The following EMSY variants were observed in gnomAD, a reference collection of about 807,000 sequenced individuals.
The protein encoded by EMSY is BRCA2-interacting transcriptional repressor EMSY.
In EMSY, 26 loss-of-function variants were observed where a neutral mutation model predicts 134.6. That is an observed-to-expected ratio of 0.19 (90% CI 0.14 to 0.27). The LOEUF is 0.27. Among genes scored for constraint, EMSY ranks in the 10% least tolerant of loss-of-function variants. EMSY has a pLI of 1.00. For missense variants in EMSY, 1,305 were observed against 1,611.4 expected (o/e 0.81, Z 3.26); for synonymous variants, 579 against 577.8 (o/e 1.00, Z -0.03).
chr11:76,474,917 C>T (rs1948718143), intron 8 of EMSY, among the ~76,000 whole-genome samples: 1 of 152,066 alleles, frequency 6.6e-6, no homozygotes, highest in Non-Finnish European at 1.5e-5. Flanking sequence ...GTGTGTGCCA[C>T]CACGCCTGGC....
At chr11:76,518,688 T>C (rs910284485) in intron 11 of EMSY, among the ~76,000 whole-genome samples, 2 of 119,748 alleles carry the variant, frequency 1.7e-5, no homozygotes, top group Admixed American at 9.1e-5. Context: ...TGCGCGCATA[T>C]ATATATATAT....
intron 10 of EMSY, among the ~76,000 whole-genome samples, chr11:76,515,208 G>A (rs191761705): frequency 0.01 from 914 of 88,070 alleles, 9 homozygotes; most frequent in African/African-American, 0.041. Flanking sequence ...CATTTTTTTG[G>A]GGGGGGGGAG....
chr11:76,472,848 C>T lies in EMSY; in HGVS notation c.1108+8C>T, dbSNP rs1379727827. ...TGTCAACAGTAGCACAAGGTGAGTG[C>T]TGTTTCACAATTTAATTCTGTCACA... On this transcript the variant is annotated splice_region_variant and intron_variant, in intron 8 of 20. Coordinates refer to ENST00000334736, the Ensembl canonical transcript of EMSY. 4.3e-6 allele frequency: 7 copies of T among 1,609,572 alleles called. No individual in the cohort carries two copies. The African/African-American group carries it at 6.7e-5, about 15-fold the overall frequency.
chr11:76,473,887 C>T (rs532052151), intron 8 of EMSY, among the ~76,000 whole-genome samples: 9 of 151,908 alleles, frequency 5.9e-5, no homozygotes, highest in African/African-American at 1.7e-4. Context: ...CCCGGCTACT[C>T]GGGAGGCTGA....
intron 11 of EMSY, among the ~76,000 whole-genome samples, chr11:76,518,705 T>TATATATATATATA (rs1406438858): frequency 0.022 from 1,746 of 80,240 alleles, 12 homozygotes; most frequent in Non-Finnish European, 0.028. Flanking sequence ...ATATATATAT[T>TATATATATATATA]TTTTTTTTAA....
chr11:76,474,950 G>C (rs1005112369), intron 8 of EMSY, among the ~76,000 whole-genome samples: 5 of 152,036 alleles, frequency 3.3e-5, no homozygotes, highest in South Asian at 2.1e-4. Flanking sequence ...TTCTAATAGA[G>C]GTGGTGTTTT....
At chr11:76,451,236 G>A (rs1196012642) in intron 2 of EMSY, among the ~76,000 whole-genome samples, 1 of 152,168 alleles carries the variant, frequency 6.6e-6, no homozygotes, top group African/African-American at 2.4e-5. Flanking sequence ...TTTGATGATA[G>A]TTTTTATAGA....
chr11:76,491,894 A>G (rs762413931), intron 8 of EMSY, among the ~76,000 whole-genome samples: 12 of 152,112 alleles, frequency 7.9e-5, no homozygotes, highest in Non-Finnish European at 1.6e-4. Flanking sequence ...TGGCTTTTGT[A>G]TGGAATTGTT....
chr11:76,521,278 A>C (rs1950627849), intron 11 of EMSY, among the ~76,000 whole-genome samples: 1 of 152,126 alleles, frequency 6.6e-6, no homozygotes, highest in Non-Finnish European at 1.5e-5. Context: ...ACATGAGGGA[A>C]AGTTAGAACT....
At chr11:76,534,199 G>A (rs1951144945) in intron 14 of EMSY, among the ~76,000 whole-genome samples, 1 of 152,098 alleles carries the variant, frequency 6.6e-6, no homozygotes, top group African/African-American at 2.4e-5. Context: ...GTGTCTTGTA[G>A]GGTTGGGTTG....
chr11:76,543,955 G>A (rs1951542954), intron 18 of EMSY, among the ~76,000 whole-genome samples: 1 of 152,186 alleles, frequency 6.6e-6, no homozygotes, highest in Admixed American at 6.5e-5. Context: ...CCTGAGCCAG[G>A]GAGCCTTTCT....
intron 8 of EMSY, among the ~76,000 whole-genome samples, chr11:76,491,646 C>T (rs914505228): frequency 2.0e-5 from 3 of 152,250 alleles, no homozygotes; most frequent in South Asian, 4.1e-4. Flanking sequence ...TACGGATACC[C>T]TGCTGAAGCT....
In EMSY at chr11:76,496,642, C is replaced by G. The variant is rs1461367240; in HGVS notation, c.1363+173C>G. 6.6e-6 allele frequency: 5 copies of G among 756,178 alleles called. No individual in the cohort carries two copies. In the Middle Eastern group the frequency reaches 9.2e-4, roughly 139 times the overall value. 46.8% of individuals were successfully genotyped at this position (756,178 alleles called of 1,614,324 possible). A position where few individuals can be genotyped will look rare whatever the true frequency, so the allele number is the denominator to read the frequency against. ...CTGTATATGTTTTGTTAGATTTGTACCTAAGCATTTCATTTTCTTGTCGTG... is the reference window on the plus strand; with the variant it reads ...CTGTATATGTTTTGTTAGATTTGTAGCTAAGCATTTCATTTTCTTGTCGTG... On this transcript the variant is annotated intron_variant, in intron 9 of 20. Transcript: ENST00000334736.
chr11:76,535,703 T>G (rs1448400493), intron 14 of EMSY, among the ~76,000 whole-genome samples, 192 bp from the exon 16 acceptor site: 1 of 152,074 alleles, frequency 6.6e-6, no homozygotes, highest in Non-Finnish European at 1.5e-5. Flanking sequence ...AATGAATGAG[T>G]GAATGAATAA....
chr11:76,536,027 T>A (rs2136540064), exon 15 of EMSY: 1 of 1,586,434 alleles, frequency 6.3e-7, no homozygotes, highest in East Asian at 2.3e-5. Flanking sequence ...ACTTCAACAA[T>A]CAAAGCTCTG....
intron 9 of EMSY, among the ~76,000 whole-genome samples, chr11:76,503,586 C>T (rs1949963010): frequency 6.6e-6 from 1 of 152,132 alleles, no homozygotes; most frequent in Non-Finnish European, 1.5e-5. Context: ...GAGACCCTTA[C>T]ATCACACCGT....
At position 76,544,468 on chromosome 11, in the gene EMSY, G is replaced by A. The variant is rs11822571; in HGVS notation, c.2919G>A (p.Gln973=). 788 of 1,614,090 alleles carry A rather than the reference G, an allele frequency of 4.9e-4. 3 individuals carry two copies. The African/African-American group carries it at 9.3e-3, about 19-fold the overall frequency. Reference sequence around the variant, plus strand: ...AAGTGAAAACTCTGCAGTGCTTCCAGACTAAACAGAAGCAGACCATCCACC... The same window carrying A: ...AAGTGAAAACTCTGCAGTGCTTCCAAACTAAACAGAAGCAGACCATCCACC... The change falls in exon 19 of 21, where the codon CAG becomes CAA. Residue 973 remains glutamine (Q), a synonymous_variant. Transcript: ENST00000334736.
chr11:76,496,291 G>A (rs1407906811), exon 9 of EMSY: 2 of 1,613,988 alleles, frequency 1.2e-6, no homozygotes, highest in African/African-American at 2.7e-5. Context: ...CCCCAACTCA[G>A]ATTCTTGCAC....
chr11:76,540,729 T>C (rs1324188511), intron 17 of EMSY, among the ~76,000 whole-genome samples: 2 of 148,156 alleles, frequency 1.3e-5, no homozygotes, highest in African/African-American at 4.8e-5. Context: ...CACTATGACT[T>C]TTCTAAACAG....
Sources: gnomAD v4.1 joint callset for allele counts (sites outside exome capture counted in the v4.1 genomes callset) on GRCh38, gnomAD v4.1.1 for gene constraint, MANE v1.5 for transcripts, NCBI Gene and HGNC (gene_info 2026-07-23, HGNC 2026-07-21) for gene names.